RMDN2: variants seen among roughly 807,000 people sequenced by gnomAD.
RMDN2 encodes regulator of microtubule dynamics 2.
RMDN2 carries 61 observed loss-of-function variants against 52.8 expected under a neutral mutation model. The ratio of observed to expected loss-of-function variants is 1.16; its 90% CI spans 0.94 to 1.43. The LOEUF is 1.43. Among genes scored for constraint, RMDN2 ranks in the 40% most tolerant of loss-of-function variants. The pLI, the probability that RMDN2 is intolerant of heterozygous loss-of-function variation, is 0.00. For missense variants in RMDN2, 592 were observed against 475.3 expected (o/e 1.25, Z -2.28); for synonymous variants, 180 against 153.1 (o/e 1.18, Z -1.30).
At chr2:38,059,256 G>A (rs776251934) in intron 10 of RMDN2, among the ~76,000 whole-genome samples, 2 of 152,140 alleles carry the variant, frequency 1.3e-5, no homozygotes, top group Non-Finnish European at 2.9e-5. Flanking sequence ...CATGTGACTA[G>A]TGGCTACTAC....
intron 2 of RMDN2, among the ~76,000 whole-genome samples, chr2:37,942,183 G>T (rs925125064): frequency 9.2e-5 from 14 of 152,024 alleles, no homozygotes; most frequent in Non-Finnish European, 1.6e-4. Flanking sequence ...GCACTTCCTG[G>T]GTGAGGCGAA....
chr2:38,040,431 T>G (rs1680884195), intron 10 of RMDN2, among the ~76,000 whole-genome samples: 1 of 152,144 alleles, frequency 6.6e-6, no homozygotes, highest in Non-Finnish European at 1.5e-5. Context: ...AGTGCCCTTA[T>G]AAAAGCAAGC....
At chr2:38,029,250 C>T (rs1423262668) in intron 10 of RMDN2, 2 of 152,142 alleles carry the variant, frequency 1.3e-5, no homozygotes, top group African/African-American at 2.4e-5. Flanking sequence ...TTGAAACCCA[C>T]CTGGCACTCT....
At chr2:37,972,216 A>G (rs887024706) in intron 2 of RMDN2, among the ~76,000 whole-genome samples, 25 of 152,116 alleles carry the variant, frequency 1.6e-4, no homozygotes, top group Non-Finnish European at 3.5e-4. Context: ...AATTTGCTAT[A>G]CTCTCCTATT....
intron 6 of RMDN2, 130 bp downstream of exon 6, chr2:37,989,746 T>TA: frequency 1.8e-6 from 1 of 568,390 alleles, no homozygotes; most frequent in Non-Finnish European, 3.0e-6. Flanking sequence ...TTCAACAGAT[T>TA]AAGCTCTGGG....
At chr2:37,925,772 A>G (rs1300001565) in intron 1 of RMDN2, among the ~76,000 whole-genome samples, 1 of 145,910 alleles carries the variant, frequency 6.9e-6, no homozygotes, top group Non-Finnish European at 1.5e-5. Context: ...AAAGAATTTC[A>G]ACAGAGACAC....
At chr2:37,925,137 G>A (rs1666161219), upstream of RMDN2, among the ~76,000 whole-genome samples, 1 of 152,184 alleles carries the variant, frequency 6.6e-6, no homozygotes, top group African/African-American at 2.4e-5. Flanking sequence ...ACACGGTCCG[G>A]CGCGAGCCAG....
At chr2:38,012,394 C>G (rs1678125976) in intron 10 of RMDN2, among the ~76,000 whole-genome samples, 1 of 152,150 alleles carries the variant, frequency 6.6e-6, no homozygotes, top group Non-Finnish European at 1.5e-5. Context: ...ACCCCTAATC[C>G]TGTGTAACTG....
chr2:38,026,949 G>A (rs1279361858), intron 10 of RMDN2: 1 of 151,656 alleles, frequency 6.6e-6, no homozygotes, highest in African/African-American at 2.4e-5. Context: ...TTGTTTTCAG[G>A]TATCTTTCTG....
At chr2:37,952,843 A>G (rs188847209) in intron 2 of RMDN2, 8 of 152,144 alleles carry the variant, frequency 5.3e-5, no homozygotes, top group African/African-American at 1.9e-4. Context: ...TGGGCATTCA[A>G]GGAATTCTGA....
At chr2:37,982,427 T>C (rs985987014) in intron 5 of RMDN2, among the ~76,000 whole-genome samples, 1 of 152,158 alleles carries the variant, frequency 6.6e-6, no homozygotes, top group Admixed American at 6.5e-5. Flanking sequence ...TTAGATGAGA[T>C]GCAAGCCTAG....
At chr2:37,925,785 G>C (rs1666227573) in intron 1 of RMDN2, among the ~76,000 whole-genome samples, 1 of 21,832 alleles carries the variant, frequency 4.6e-5, no homozygotes, top group Non-Finnish European at 8.2e-5. Flanking sequence ...AGAGACACTT[G>C]CTGGGCTCTC....
chr2:37,963,845 G>A (rs1193315032), intron 2 of RMDN2, among the ~76,000 whole-genome samples: 3 of 152,018 alleles, frequency 2.0e-5, no homozygotes, highest in Non-Finnish European at 2.9e-5. Context: ...CCTACCAGAC[G>A]GGGTGGCGGC....
chr2:38,034,864 T>A (rs1365084384), intron 10 of RMDN2, among the ~76,000 whole-genome samples: 1 of 151,280 alleles, frequency 6.6e-6, no homozygotes, highest in Non-Finnish European at 1.5e-5. Flanking sequence ...TTTTAATATT[T>A]AAAAAAAAGC....
chr2:38,011,081 A>G (rs570663105), intron 10 of RMDN2, among the ~76,000 whole-genome samples: 1 of 152,330 alleles, frequency 6.6e-6, no homozygotes, highest in South Asian at 2.1e-4. Context: ...GAGATTAACT[A>G]TGTAGGCAGC....
intron 5 of RMDN2, among the ~76,000 whole-genome samples, chr2:37,988,404 T>C (rs956808228): frequency 9.2e-5 from 14 of 152,222 alleles, no homozygotes; most frequent in African/African-American, 3.4e-4. Flanking sequence ...TACGTTGATA[T>C]GGTCCTCCTC....
intron 2 of RMDN2, among the ~76,000 whole-genome samples, chr2:37,971,412 T>C (rs1003702429): frequency 6.6e-6 from 1 of 152,198 alleles, no homozygotes; most frequent in Non-Finnish European, 1.5e-5. Context: ...TTCTGGACGC[T>C]TAATTTTGAA....
At position 38,005,583 on chromosome 2, in the gene RMDN2, T is replaced by C. The variant is rs182937810; in HGVS notation, c.1179+1367T>C. Reference sequence around the variant, plus strand: ...TTTCTTGTAAATTTGTTTGAGTTCATTGTAGATTCTGGATATTAGCCCTTT... The same window carrying C: ...TTTCTTGTAAATTTGTTTGAGTTCACTGTAGATTCTGGATATTAGCCCTTT... On this transcript the variant is annotated intron_variant, in intron 10 of 10. Coordinates refer to ENST00000354545, the MANE Select transcript of RMDN2 (RefSeq NM_001170791.3). 3.4e-3 allele frequency among the ~76,000 whole-genome samples: 511 copies of C among 152,326 alleles called. 3 individuals are homozygous for C. Among genetic ancestry groups the C allele is most frequent in the African/African-American group, 0.011 (474 of 41,582 alleles).
chr2:38,026,108 A>G (rs921194067), intron 10 of RMDN2, among the ~76,000 whole-genome samples: 6 of 152,152 alleles, frequency 3.9e-5, no homozygotes, highest in African/African-American at 1.4e-4. Flanking sequence ...GTTTTCAAGT[A>G]CAATTTCAAC....
Sources: allele counts gnomAD v4.1 joint callset (sites outside exome capture counted in the v4.1 genomes callset), GRCh38; gene constraint gnomAD v4.1.1; transcripts MANE v1.5; gene names NCBI Gene and HGNC (gene_info 2026-07-23, HGNC 2026-07-21).